The following SLC29A4 variants were observed in gnomAD, a reference collection of about 807,000 sequenced individuals.
SLC29A4 encodes equilibrative nucleoside transporter 4.
In SLC29A4, 36 loss-of-function variants were observed where a neutral mutation model predicts 43.9. The ratio of observed to expected loss-of-function variants is 0.82; its 90% CI spans 0.63 to 1.08. The LOEUF is 1.08. SLC29A4 is among the 50% of genes least tolerant of loss of function. SLC29A4 has a pLI of 0.00. For synonymous variants in SLC29A4, 491 were observed against 338.0 expected, an observed-to-expected ratio of 1.45 and a Z score of -4.97; for missense variants, 869 against 755.3, an observed-to-expected ratio of 1.15 and a Z score of -1.77.
In SLC29A4 at chr7:5,294,880, G is replaced by C; in HGVS notation, c.565G>C (p.Gly189Arg). The change falls in exon 6 of 11, where the codon GGG becomes CGG. Residue 189 changes from glycine to arginine, a missense_variant. Gly to Arg is a moderately radical substitution (Grantham distance 125, BLOSUM62 -2). Transcript: ENST00000396872. ...GCTVQQSSFY[G>R]YTGMLPKRYT... ...TTAAGTGCAGCAATCCAGCTTCTAC[G>C]GGTACACGGGGATGCTGCCCAAGCG... The C allele has an allele frequency of 6.2e-7, 1 of 1,612,208 alleles. No individual in the cohort carries two copies. Among genetic ancestry groups the C allele is most frequent in the Non-Finnish European group, 8.5e-7 (1 of 1,179,638 alleles).
rs185292953 is a variant in SLC29A4 at position 5,294,455 on chromosome 7, T to C, written c.545-405T>C. Among the ~76,000 whole-genome samples the C allele has an allele frequency of 2.2e-3, 331 of 152,244 alleles. 5 individuals carry two copies. Among genetic ancestry groups the C allele is most frequent in the African/African-American group, 7.5e-3 (312 of 41,548 alleles). ...ATAGAACAAGCCTGACTTCTCACTT[T>C]TGCTGCCTGTCTTCTCTGGAGGGTG... On this transcript the variant is annotated intron_variant, in intron 5 of 10. Transcript: ENST00000396872.
In SLC29A4 at chr7:5,298,015, A is replaced by G. The variant is rs1307212014; in HGVS notation, c.882+817A>G. Among the ~76,000 whole-genome samples the G allele has an allele frequency of 1.3e-5, 2 of 152,190 alleles. 1 individual carries two copies. The highest frequency in any genetic ancestry group is 2.9e-5 in the Non-Finnish European group (2 of 68,020). On this transcript the variant is annotated intron_variant, in intron 7 of 10. Coordinates refer to ENST00000396872, the MANE Select transcript of SLC29A4 (RefSeq NM_153247.4). ...CCCCAGGCTCAGGGCCGGCAGCTGTACAGGCTTGGGGACACCTGCAGGGTG... is the reference window on the plus strand; with the variant it reads ...CCCCAGGCTCAGGGCCGGCAGCTGTGCAGGCTTGGGGACACCTGCAGGGTG...
chr7:5,293,252 A>T (rs1486760852), intron 5 of SLC29A4, among the ~76,000 whole-genome samples: 1 of 146,702 alleles, frequency 6.8e-6, no homozygotes, highest in Non-Finnish European at 1.5e-5. Flanking sequence ...GCTCACTGCA[A>T]CCTCCGTCTC....
In SLC29A4 at chr7:5,297,044, T is replaced by C; in HGVS notation, c.728T>C (p.Leu243Pro). Residue 243 changes from leucine to proline, a missense_variant, in exon 7 of 11, where the codon CTG becomes CCG. Coordinates refer to ENST00000396872, the MANE Select transcript of SLC29A4 (RefSeq NM_153247.4). ...IFFLVSVALELLCFLLHLLVR... is the reference protein window; with the variant it reads ...IFFLVSVALEPLCFLLHLLVR... ...TTCCTGGTGTCGGTGGCGCTGGAGCTGCTGTGTTTCCTGCTGCACCTGTTA... is the reference window on the plus strand; with the variant it reads ...TTCCTGGTGTCGGTGGCGCTGGAGCCGCTGTGTTTCCTGCTGCACCTGTTA... 1 of 1,607,376 alleles carries C rather than the reference T, an allele frequency of 6.2e-7. No homozygotes were observed.
In SLC29A4 at chr7:5,290,715, G is replaced by T; in HGVS notation, c.170-17G>T. The T allele has an allele frequency of 6.3e-7, 1 of 1,599,710 alleles. No homozygotes were observed. The highest frequency in any genetic ancestry group is 8.5e-7 in the Non-Finnish European group (1 of 1,169,792). On this transcript the variant is annotated splice_polypyrimidine_tract_variant and intron_variant, in intron 2 of 10. Transcript: ENST00000396872. ...GCGTGGAGCGTGCCCCGTCTCACCT[G>T]GTGTCTCTGGCTTTAGCATTGGACG...
chr7:5,285,313 T>A (rs1325088188), intron 1 of SLC29A4, among the ~76,000 whole-genome samples: 1 of 134,036 alleles, frequency 7.5e-6, no homozygotes, highest in Admixed American at 7.8e-5. Flanking sequence ...CGGCCAGGGC[T>A]GACGAGGGGC....
intron 5 of SLC29A4, among the ~76,000 whole-genome samples, chr7:5,294,548 C>A (rs1415106685): frequency 2.6e-5 from 4 of 152,152 alleles, no homozygotes; most frequent in African/African-American, 7.2e-5. Flanking sequence ...CCCCGTAACA[C>A]ATGGCCTCTC....
rs1228652564 is a variant in SLC29A4, at chr7:5,304,543, C to G, written c.*1604C>G. 3 of 151,994 alleles carry G rather than the reference C, an allele frequency of 2.0e-5. No homozygotes were observed. Among genetic ancestry groups the G allele is most frequent in the African/African-American group, 7.3e-5 (3 of 41,330 alleles). 9.4% of individuals were successfully genotyped at this position (151,994 alleles called of 1,614,324 possible). ...TTTTTTTTTGAGACTGAGTCTTGCT[C>G]TTGTCACCCAGGCTGGAGTGCAGTG... On this transcript the variant is annotated 3_prime_UTR_variant, in exon 11 of 11. Transcript: ENST00000396872.
chr7:5,285,466 C>G (rs962040691), intron 1 of SLC29A4, among the ~76,000 whole-genome samples: 2 of 152,252 alleles, frequency 1.3e-5, no homozygotes, highest in African/African-American at 2.4e-5. Context: ...CCCCAGCCCC[C>G]AAGACCTGGA....
chr7:5,293,297 G>A (rs1022905629), intron 5 of SLC29A4, among the ~76,000 whole-genome samples: 3 of 148,724 alleles, frequency 2.0e-5, no homozygotes, highest in Admixed American at 6.8e-5. Flanking sequence ...TCAGCCTCCC[G>A]AGTAGCTGGG....
chr7:5,287,741 T>C, intron 1 of SLC29A4, 68 bp from the exon 2 acceptor site: 14 of 1,479,686 alleles, frequency 9.5e-6, no homozygotes, highest in Non-Finnish European at 1.3e-5. Context: ...GCTTTATGGG[T>C]CAGTGCATGA....
At chr7:5,296,832 G>A (rs1785708308) in intron 6 of SLC29A4, 104 bp from the exon 7 acceptor site, 4 of 1,313,016 alleles carry the variant, frequency 3.0e-6, no homozygotes, top group Non-Finnish European at 4.0e-6. Context: ...GGTGGAGGGC[G>A]GGGCCGGTGG....
At chr7:5,284,577 G>A (rs1784846395) in intron 1 of SLC29A4, among the ~76,000 whole-genome samples, 1 of 152,254 alleles carries the variant, frequency 6.6e-6, no homozygotes, top group African/African-American at 2.4e-5. Context: ...TGTGCATGTC[G>A]TTAAATTTTA....
At position 5,297,113 on chromosome 7, in the gene SLC29A4, G is replaced by T. The variant is rs148796241; in HGVS notation, c.797G>T (p.Arg266Leu). The change falls in exon 7 of 11, where the codon CGT (arginine) becomes CTT (leucine). Residue 266 changes from arginine (R) to leucine (L), a missense_variant. Coordinates refer to ENST00000396872, the MANE Select transcript of SLC29A4 (RefSeq NM_153247.4). ...GTGCTCTTCTATACCACACGGCCGC[G>T]TGACAGCCACCGGGGCAGGCCAGGC... Reference protein sequence around the residue: ...RFVLFYTTRPRDSHRGRPGLG... With the variant: ...RFVLFYTTRPLDSHRGRPGLG... 56 of 1,607,204 alleles carry T rather than the reference G, an allele frequency of 3.5e-5. No homozygotes were observed. In the African/African-American group the frequency reaches 6.4e-4, roughly 18 times the overall value.
intron 6 of SLC29A4, 68 bp from the exon 7 acceptor site, chr7:5,296,862 CGGGGCT>C: frequency 1.7e-6 from 2 of 1,196,472 alleles, no homozygotes; most frequent in Non-Finnish European, 2.1e-6. Context: ...TGTGTGTGGA[CGGGGCT>C]GGGGCGGGAC....
rs144690209 is a variant in SLC29A4 at position 5,299,328 on chromosome 7, G to A, written c.1110G>A (p.Leu370=). ...TGACCTACTTCATCACGCTGTGCCTGTTCCCCGGCCTCGAGTCTGAGATCC... is the reference window on the plus strand; with the variant it reads ...TGACCTACTTCATCACGCTGTGCCTATTCCCCGGCCTCGAGTCTGAGATCC... ...IAVTYFITLC[L]FPGLESEIRH... is the part of the protein sequence containing the mutation. Residue 370 remains leucine (L), a synonymous_variant, in exon 9 of 11, where the codon CTG becomes CTA. Transcript: ENST00000396872. 2 of 1,612,044 alleles carry A rather than the reference G, an allele frequency of 1.2e-6. No individual in the cohort carries two copies. The highest frequency in any genetic ancestry group is 2.1e-4 in the Middle Eastern group (1 of 4,736).
At chr7:5,298,640 C>G (rs1184777487) in intron 7 of SLC29A4, among the ~76,000 whole-genome samples, 1 of 152,004 alleles carries the variant, frequency 6.6e-6, no homozygotes, top group South Asian at 2.1e-4. Flanking sequence ...AAAAAGAAAA[C>G]GGCAAAAAAG....
intron 10 of SLC29A4, 52 bp downstream of exon 10, chr7:5,300,714 C>G: frequency 6.3e-7 from 1 of 1,581,946 alleles, no homozygotes; most frequent in South Asian, 1.1e-5. Flanking sequence ...AGCGCAATGC[C>G]CCCCTCGCGA....
intron 2 of SLC29A4, among the ~76,000 whole-genome samples, chr7:5,290,144 C>G (rs1413326122): frequency 6.6e-6 from 1 of 151,082 alleles, no homozygotes; most frequent in African/African-American, 2.4e-5. Context: ...AGCTCCGCTT[C>G]CTGGGTTCAC....
Sources: allele counts gnomAD v4.1 joint callset (sites outside exome capture counted in the v4.1 genomes callset), GRCh38; gene constraint gnomAD v4.1.1; transcripts MANE v1.5; gene names NCBI Gene and HGNC (gene_info 2026-07-23, HGNC 2026-07-21).